The following ASB2 variants were observed in gnomAD, a reference collection of about 807,000 sequenced individuals.
The protein encoded by ASB2 is ankyrin repeat and SOCS box protein 2.
Under a neutral mutation model 62.4 loss-of-function variants are expected in ASB2, and 58 were observed. The ratio of observed to expected loss-of-function variants is 0.93; its 90% confidence interval spans 0.75 to 1.16. ASB2 has a LOEUF of 1.16. ASB2 is among the 50% of genes most tolerant of loss of function. The probability of loss-of-function intolerance (pLI) is 0.00; values close to 1 mark genes in which losing one functional copy is unlikely to be tolerated. For synonymous variants in ASB2, 386 were observed against 385.3 expected, an observed-to-expected ratio of 1.00 and a Z score of -0.02; for missense variants, 928 against 887.9, an observed-to-expected ratio of 1.05 and a Z score of -0.57.
At chr14:93,937,305 C>T (rs1372885630) in intron 9 of ASB2, among the ~76,000 whole-genome samples, 5 of 152,178 alleles carry the variant, frequency 3.3e-5, no homozygotes, top group African/African-American at 1.2e-4. Context: ...TTCATGTGCA[C>T]TTTAGTTTGA....
At chr14:93,948,193 T>A (rs1361947775) in intron 6 of ASB2, 1 of 154,272 alleles carries the variant, frequency 6.5e-6, no homozygotes, top group Non-Finnish European at 1.5e-5. Flanking sequence ...TATCTCCAGA[T>A]TACAGATGGG....
chr14:93,947,002 A>C (rs759444234), intron 7 of ASB2, among the ~76,000 whole-genome samples: 1 of 152,142 alleles, frequency 6.6e-6, no homozygotes, highest in African/African-American at 2.4e-5. Flanking sequence ...AAGTCACTCA[A>C]CCTCTCTGTG....
At position 93,937,961 on chromosome 14, in the gene ASB2, C is replaced by A. The variant is rs1203065581; in HGVS notation, c.1618-110G>T. The A allele has an allele frequency of 4.3e-6, 5 of 1,150,162 alleles. No homozygotes were observed. In the South Asian group the frequency reaches 6.7e-5, roughly 15 times the overall value. 71.2% of individuals were successfully genotyped at this position (1,150,162 alleles called of 1,614,324 possible). A position where few individuals can be genotyped will look rare whatever the true frequency, so the allele number is the denominator to read the frequency against. ...AGCACAGACACTGTGCACACCCAGG[C>A]TAGGATCCCCTGAACCATGTCCCCT... On this transcript the variant is annotated intron_variant, in intron 8 of 9. Transcript: ENST00000555019.
rs75796328 is a variant in ASB2, at chr14:93,956,925, C to G, written c.207-55G>C. 516 of 1,607,296 alleles carry G rather than the reference C, an allele frequency of 3.2e-4. 4 individuals are homozygous for G. The East Asian group carries it at 0.011, about 35-fold the overall frequency. ...GGAAAAGTACTCTGCATAGGAGAAG[C>G]GGGTCATGGCTTCAGGCAGGAATGA... On this transcript the variant is annotated intron_variant, in intron 2 of 9. Coordinates refer to ENST00000555019, the MANE Select transcript of ASB2 (RefSeq NM_001202429.2).
intron 7 of ASB2, chr14:93,939,970 C>A: frequency 2.7e-6 from 1 of 365,024 alleles, no homozygotes; most frequent in Non-Finnish European, 4.9e-6. Flanking sequence ...AGACCCAGAA[C>A]CCTTGGCCTC....
At chr14:93,954,235 A>T in intron 4 of ASB2, 82 bp downstream of exon 4, 1 of 1,111,528 alleles carries the variant, frequency 9.0e-7, no homozygotes, top group Non-Finnish European at 1.3e-6. Context: ...GATTGTGGGC[A>T]AAGAACATGA....
rs1423043069 is a variant in ASB2 at position 93,974,104 on chromosome 14, C to T, written c.-74+2330G>A. ...CTTTTAAGTTAGATCTCACCCAAAT[C>T]GGCGAGGTTCTTTTTCCTTTTTTAT... On this transcript the variant is annotated intron_variant, in intron 1 of 9. Transcript: ENST00000555019. 6 of 152,186 alleles carry T rather than the reference C, an allele frequency of 3.9e-5. No individual in the cohort carries two copies. The South Asian group carries it at 6.2e-4, about 16-fold the overall frequency. 9.4% of individuals were successfully genotyped at this position (152,186 alleles called of 1,614,324 possible).
intron 7 of ASB2, among the ~76,000 whole-genome samples, chr14:93,942,848 AGTG>A (rs949857770): frequency 3.6e-5 from 5 of 139,290 alleles, no homozygotes; most frequent in Non-Finnish European, 6.1e-5. Flanking sequence ...TTGTAATAAT[AGTG>A]ATGATGATGA....
At chr14:93,942,256 A>C in intron 7 of ASB2, 1 of 456,104 alleles carries the variant, frequency 2.2e-6, no homozygotes. Flanking sequence ...GAAGAGGAAC[A>C]AAGGTGACTA....
intron 7 of ASB2, chr14:93,940,362 G>C (rs2141274289): frequency 1.3e-5 from 2 of 152,400 alleles, no homozygotes; most frequent in Admixed American, 1.3e-4. Flanking sequence ...GAGAGATTAA[G>C]GGGCTTGCCC....
chr14:93,968,622 A>G (rs1002496095), intron 1 of ASB2, among the ~76,000 whole-genome samples: 2 of 152,214 alleles, frequency 1.3e-5, no homozygotes, highest in East Asian at 1.9e-4. Flanking sequence ...CCCCTGGCCT[A>G]TATCTGTGCC....
chr14:93,964,160 A>G (rs181909624), intron 2 of ASB2, among the ~76,000 whole-genome samples, 174 bp downstream of exon 2: 1 of 152,316 alleles, frequency 6.6e-6, no homozygotes, highest in East Asian at 1.9e-4. Context: ...CACCCACTTC[A>G]GTACCTGGCA....
Position 93,943,641 on chromosome 14 carries a change from AAAAC to A in ASB2, c.1052+3704_1052+3707del, listed in dbSNP as rs570018196. ...CTTGGGTGACAGAGAGTCGGTCTCAAAAACAAACAAACAACAACAAAAACATTGG... is the reference window on the plus strand; with the variant it reads ...CTTGGGTGACAGAGAGTCGGTCTCAAAAACAAACAACAACAAAAACATTGG... On this transcript the variant is annotated intron_variant, in intron 7 of 9. Coordinates refer to ENST00000555019, the MANE Select transcript of ASB2 (RefSeq NM_001202429.2). Among the ~76,000 whole-genome samples, 200 of 152,274 alleles carry A rather than the reference AAAAC, an allele frequency of 1.3e-3. 1 individual carries two copies. The highest frequency in any genetic ancestry group is 4.5e-3 in the African/African-American group (187 of 41,548).
chr14:93,964,558 C>G lies in ASB2; in HGVS notation c.-19G>C. 6.5e-7 allele frequency: 1 copy of G among 1,535,732 alleles called. No individual in the cohort carries two copies. Among genetic ancestry groups the G allele is most frequent in the Non-Finnish European group, 8.7e-7 (1 of 1,146,644 alleles). ...TGGCCATCCTCCTCCACCTCTCACC[C>G]TGGCCTCCAGAACAGACACCCAGTG... On this transcript the variant is annotated 5_prime_UTR_variant, in exon 2 of 10. Transcript: ENST00000555019.
chr14:93,975,030 G>A (rs1013621267), intron 1 of ASB2, among the ~76,000 whole-genome samples: 1 of 152,236 alleles, frequency 6.6e-6, no homozygotes, highest in Non-Finnish European at 1.5e-5. Context: ...GCAGCACATG[G>A]GCCTGCCACC....
chr14:93,961,816 A>C (rs1160135128), intron 2 of ASB2, among the ~76,000 whole-genome samples: 1 of 152,160 alleles, frequency 6.6e-6, no homozygotes, highest in East Asian at 1.9e-4. Context: ...GGCCTCTGTG[A>C]GTGGGAGACG....
chr14:93,955,406 C>G, intron 3 of ASB2: 1 of 331,250 alleles, frequency 3.0e-6, no homozygotes, highest in South Asian at 2.5e-5. Context: ...ACAGACCCAG[C>G]AAGGACGATG....
intron 2 of ASB2, among the ~76,000 whole-genome samples, chr14:93,957,723 T>TC (rs1889276750): frequency 6.6e-6 from 1 of 152,090 alleles, no homozygotes; most frequent in African/African-American, 2.4e-5. Flanking sequence ...GCCTCAGTTT[T>TC]CCCGACCCAC....
rs746680179 is a variant in ASB2, at chr14:93,947,431, G to A, written c.970C>T (p.Leu324=). ...TTGTTGGCGTCGGCACCCTGTGACA[G>A]CAGAAACTCCACCACCTCCTCATGC... The part of the protein sequence containing the change: ...NEHEEVVEFL[L]SQGADANKTN... The change falls in exon 7 of 10, where the codon CTG becomes TTG. Residue 324 remains leucine (L), a synonymous_variant. Coordinates refer to ENST00000555019, the MANE Select transcript of ASB2 (RefSeq NM_001202429.2). 6.2e-7 allele frequency: 1 copy of A among 1,614,242 alleles called. No homozygotes were observed. Among genetic ancestry groups the A allele is most frequent in the Non-Finnish European group, 8.5e-7 (1 of 1,180,046 alleles).
Sources: allele counts gnomAD v4.1 joint callset (sites outside exome capture counted in the v4.1 genomes callset), GRCh38; gene constraint gnomAD v4.1.1; transcripts MANE v1.5; gene names NCBI Gene and HGNC (gene_info 2026-07-23, HGNC 2026-07-21).